LRRTM4: variants seen among roughly 807,000 people sequenced by gnomAD.
The protein encoded by LRRTM4 is leucine rich repeat transmembrane neuronal 4.
A neutral mutation model predicts 47.6 loss-of-function variants in LRRTM4; 25 were observed. That is an observed-to-expected ratio of 0.53 (90% CI 0.38 to 0.73). LRRTM4 has a LOEUF of 0.73. Among genes scored for constraint, LRRTM4 ranks in the 30% least tolerant of loss-of-function variants. The pLI is 0.00. For missense variants in LRRTM4, 638 were observed against 713.4 expected (o/e 0.89, Z 1.20); for synonymous variants, 311 against 269.5 (o/e 1.15, Z -1.51).
chr2:76,969,045 G>A (rs1167183471), intron 3 of LRRTM4, among the ~76,000 whole-genome samples: 1 of 151,768 alleles, frequency 6.6e-6, no homozygotes, highest in Non-Finnish European at 1.5e-5. Flanking sequence ...CTACATTCAA[G>A]GTTGTATTAC....
chr2:77,238,786 A>T (rs1675180492), intron 3 of LRRTM4, among the ~76,000 whole-genome samples: 1 of 151,978 alleles, frequency 6.6e-6, no homozygotes, highest in African/African-American at 2.4e-5. Flanking sequence ...AAACCAGAAA[A>T]CAAAAAAATG....
At chr2:77,450,950 A>T (rs1389062432) in intron 3 of LRRTM4, among the ~76,000 whole-genome samples, 3 of 152,194 alleles carry the variant, frequency 2.0e-5, no homozygotes, top group African/African-American at 7.2e-5. Context: ...TAGCATTCAA[A>T]GAGTTCAACA....
At chr2:76,873,494 A>C (rs1000266759) in intron 3 of LRRTM4, among the ~76,000 whole-genome samples, 1 of 107,574 alleles carries the variant, frequency 9.3e-6, no homozygotes, top group Admixed American at 1.1e-4. Context: ...GTGTGTGTGT[A>C]TATATATGTG....
At chr2:77,319,840 G>A (rs972259991) in intron 3 of LRRTM4, among the ~76,000 whole-genome samples, 1 of 152,134 alleles carries the variant, frequency 6.6e-6, no homozygotes, top group Non-Finnish European at 1.5e-5. Flanking sequence ...TTTCCCCAAA[G>A]GTGAAGATTC....
chr2:76,985,720 A>G (rs1676771119), intron 3 of LRRTM4, among the ~76,000 whole-genome samples: 1 of 152,026 alleles, frequency 6.6e-6, no homozygotes, highest in Non-Finnish European at 1.5e-5. Flanking sequence ...ATGCTTTAAA[A>G]ACACATTTAT....
In LRRTM4 at chr2:77,021,174, A is replaced by G. The variant is rs115286255; in HGVS notation, c.1552-272258T>C. On this transcript the variant is annotated intron_variant, in intron 3 of 3. Coordinates refer to ENST00000409884, the MANE Select transcript of LRRTM4 (RefSeq NM_001134745.3). ...GCCTTATCTATATGTATAGCCATAT[A>G]TATGTATATAATCAGTGATATATAT... Among the ~76,000 whole-genome samples, 1,168 of 152,202 alleles carry G rather than the reference A, an allele frequency of 7.7e-3. 5 individuals carry two copies. The highest frequency in any genetic ancestry group is 0.013 in the Admixed American group (204 of 15,268).
rs183178919 is a variant in LRRTM4, at chr2:76,886,649, T to C, written c.1552-137733A>G. On this transcript the variant is annotated intron_variant, in intron 3 of 3. Coordinates refer to ENST00000409884, the MANE Select transcript of LRRTM4 (RefSeq NM_001134745.3). Reference sequence around the variant, plus strand: ...AAGAGCATTTGTTAAAATGGCTGGTTACAAAAATGCAAATAGTAACATAAC... The same window carrying C: ...AAGAGCATTTGTTAAAATGGCTGGTCACAAAAATGCAAATAGTAACATAAC... Among the ~76,000 whole-genome samples the C allele has an allele frequency of 6.2e-3, 947 of 152,130 alleles. 9 individuals carry two copies. The highest frequency in any genetic ancestry group is 0.021 in the African/African-American group (865 of 41,554).
chr2:77,454,987 A>G (rs1010008255), intron 3 of LRRTM4, among the ~76,000 whole-genome samples: 5 of 152,122 alleles, frequency 3.3e-5, no homozygotes, highest in Admixed American at 1.3e-4. Flanking sequence ...CAGGCATTTG[A>G]GACCAGCCTG....
rs771920265 is a variant in LRRTM4, at chr2:76,794,921, AAATTTAAACAATAGTGT to A, written c.1552-46022_1552-46006del. ...GTAGAAAAATTAAGATTTAAATGCT[AAATTTAAACAATAGTGT>A]GTAGACACTGATAGAAGAATATCTT... is the stretch of plus-strand genomic sequence containing the variant. On this transcript the variant is annotated intron_variant, in intron 3 of 3. Transcript: ENST00000409884. 1.1e-3 allele frequency among the ~76,000 whole-genome samples: 172 copies of A among 152,212 alleles called. 1 individual carries two copies. Among genetic ancestry groups the A allele is most frequent in the Non-Finnish European group, 1.5e-3 (99 of 68,046 alleles).
chr2:77,442,612 T>C (rs938388558), intron 3 of LRRTM4, among the ~76,000 whole-genome samples: 8 of 152,204 alleles, frequency 5.3e-5, no homozygotes, highest in East Asian at 3.9e-4. Context: ...GATCTTAGTA[T>C]GTGTTAAACT....
intron 3 of LRRTM4, among the ~76,000 whole-genome samples, chr2:77,485,407 T>C (rs1012520467): frequency 6.6e-6 from 1 of 152,036 alleles, no homozygotes; most frequent in Non-Finnish European, 1.5e-5. Context: ...ATAATCTACA[T>C]GTAAAGAAAA....
At chr2:77,437,030 G>T (rs1675628283) in intron 3 of LRRTM4, among the ~76,000 whole-genome samples, 1 of 151,928 alleles carries the variant, frequency 6.6e-6, no homozygotes, top group African/African-American at 2.4e-5. Flanking sequence ...GGATGAGAAA[G>T]AAAAGTATGC....
At chr2:77,005,871 C>A (rs919868801) in intron 3 of LRRTM4, among the ~76,000 whole-genome samples, 2 of 152,106 alleles carry the variant, frequency 1.3e-5, no homozygotes, top group African/African-American at 2.4e-5. Context: ...AAACACTTCA[C>A]AAATATTAGC....
intron 3 of LRRTM4, among the ~76,000 whole-genome samples, chr2:76,885,539 T>C (rs1673047823): frequency 6.7e-6 from 1 of 149,294 alleles, no homozygotes; most frequent in Non-Finnish European, 1.5e-5. Context: ...CTCGGCTCAC[T>C]GCAAGCTCCG....
intron 3 of LRRTM4, among the ~76,000 whole-genome samples, chr2:77,216,520 G>A (rs1289711402): frequency 1.3e-5 from 2 of 151,810 alleles, no homozygotes; most frequent in East Asian, 3.9e-4. Flanking sequence ...ACTCCAGCCT[G>A]CTGACAGAGT....
chr2:77,429,578 C>T (rs1675274535), intron 3 of LRRTM4, among the ~76,000 whole-genome samples: 1 of 152,024 alleles, frequency 6.6e-6, no homozygotes, highest in Admixed American at 6.6e-5. Context: ...GAGAACATAA[C>T]TTTAATTGAA....
intron 3 of LRRTM4, among the ~76,000 whole-genome samples, chr2:77,387,713 C>CAGTTCTTGACA (rs1673339131): frequency 6.6e-6 from 1 of 152,082 alleles, no homozygotes; most frequent in Non-Finnish European, 1.5e-5. Context: ...GGGCCCTTCA[C>CAGTTCTTGACA]AGTTCTTGAC....
At chr2:76,868,100 GA>G (rs1190930650) in intron 3 of LRRTM4, among the ~76,000 whole-genome samples, 1 of 152,172 alleles carries the variant, frequency 6.6e-6, no homozygotes, top group Non-Finnish European at 1.5e-5. Context: ...TGGCTAATGT[GA>G]GTGTCACAAA....
intron 3 of LRRTM4, among the ~76,000 whole-genome samples, chr2:77,474,377 G>C (rs1677302312): frequency 6.6e-6 from 1 of 151,842 alleles, no homozygotes; most frequent in Non-Finnish European, 1.5e-5. Context: ...TGTTGACTTA[G>C]ACATTTATAT....
Sources: allele counts gnomAD v4.1 joint callset (sites outside exome capture counted in the v4.1 genomes callset), GRCh38; gene constraint gnomAD v4.1.1; transcripts MANE v1.5; gene names NCBI Gene and HGNC (gene_info 2026-07-23, HGNC 2026-07-21).